The following CPPED1 variants were observed in gnomAD, a reference collection of about 807,000 sequenced individuals.
CPPED1 encodes the protein calcineurin like phosphoesterase domain containing 1, also known as serine/threonine-protein phosphatase CPPED1.
CPPED1 carries 28 observed loss-of-function variants against 28.0 expected under a neutral mutation model. The observed-to-expected ratio is 1.00, with a 90% CI of 0.74 to 1.37. The LOEUF (loss-of-function observed/expected upper bound fraction) is 1.37, where lower values mean the gene tolerates loss of function less well. Among genes scored for constraint, CPPED1 ranks in the 40% most tolerant of loss-of-function variants. The pLI, the probability that CPPED1 is intolerant of heterozygous loss-of-function variation, is 0.00. For synonymous variants in CPPED1, 198 were observed against 180.2 expected (o/e 1.10, Z -0.79); for missense variants, 504 against 416.5 (o/e 1.21, Z -1.83).
chr16:12,783,038 T>C (rs996494464), intron 1 of CPPED1, among the ~76,000 whole-genome samples: 1 of 152,186 alleles, frequency 6.6e-6, no homozygotes, highest in East Asian at 1.9e-4. Context: ...GCCTTTGCTT[T>C]GCCAGGCCCT....
rs1347995478 is a variant in CPPED1 at position 12,663,642 on chromosome 16, TA to T, written c.*1243del. 1.3e-5 allele frequency: 2 copies of T among 152,230 alleles called. No individual in the cohort carries two copies. The highest frequency in any genetic ancestry group is 4.8e-5 in the African/African-American group (2 of 41,458). The allele number at this position is 152,230 out of a possible 1,614,324, so 9.4% of individuals were successfully genotyped here. ...TTTCCCATGGTTTTGCTACGTTGAC[TA>T]AACTCTGTAATGAGAAAGTCTTTTA... On this transcript the variant is annotated 3_prime_UTR_variant, in exon 4 of 4. Transcript: ENST00000381774.
chr16:12,668,310 T>C (rs1185458617), intron 3 of CPPED1, among the ~76,000 whole-genome samples: 1 of 152,314 alleles, frequency 6.6e-6, no homozygotes, highest in Admixed American at 6.5e-5. Context: ...TATTTTTTAA[T>C]GTTAAAAGTG....
chr16:12,771,293 T>C (rs1030685776), intron 2 of CPPED1, among the ~76,000 whole-genome samples: 10 of 152,248 alleles, frequency 6.6e-5, no homozygotes, highest in Non-Finnish European at 1.2e-4. Flanking sequence ...ATTTGTTAAA[T>C]AAATGAATTG....
At chr16:12,696,583 A>G (rs2141181958) in intron 3 of CPPED1, among the ~76,000 whole-genome samples, 1 of 151,746 alleles carries the variant, frequency 6.6e-6, no homozygotes, top group South Asian at 2.1e-4. Flanking sequence ...CTGGGATTAC[A>G]GGCACTCACC....
At chr16:12,672,622 T>C (rs970670362) in intron 3 of CPPED1, among the ~76,000 whole-genome samples, 2 of 152,198 alleles carry the variant, frequency 1.3e-5, no homozygotes, top group South Asian at 2.1e-4. Flanking sequence ...TATGTGTGCA[T>C]AGACATTAAA....
rs531444451 is a variant in CPPED1 at position 12,664,907 on chromosome 16, C to G, written c.924G>C (p.Met308Ile). Residue 308 changes from methionine (M) to isoleucine (I), a missense_variant, in exon 4 of 4, where the codon ATG becomes ATC. Physicochemically the swap from Met to Ile is conservative, Grantham distance 10. Coordinates refer to ENST00000381774, the MANE Select transcript of CPPED1 (RefSeq NM_018340.3). The surrounding 1 kb of genome is among the most constrained non-coding windows in gnomAD (Gnocchi z 4.2). ...AGCGTCATTTTTTCTTGATCAAATC[C>G]ATGAGATCGTCTTCTATTCCTTTCT... ...LSEKGIEDDL[M>I]DLIKKK 3 of 1,605,108 alleles carry G rather than the reference C, an allele frequency of 1.9e-6. No homozygotes were observed. Among genetic ancestry groups the G allele is most frequent in the African/African-American group, 2.7e-5 (2 of 74,204 alleles).
At chr16:12,763,171 G>A (rs2080419827) in intron 2 of CPPED1, among the ~76,000 whole-genome samples, 1 of 151,680 alleles carries the variant, frequency 6.6e-6, no homozygotes, top group Non-Finnish European at 1.5e-5. Context: ...GGCGGAGGGT[G>A]CAGTGAGCCG....
chr16:12,746,457 C>T (rs1371310555), intron 2 of CPPED1, among the ~76,000 whole-genome samples: 1 of 148,986 alleles, frequency 6.7e-6, no homozygotes, highest in African/African-American at 2.5e-5. Flanking sequence ...TCACAGACAT[C>T]CTGAAAAAGT....
Position 12,664,682 on chromosome 16 carries a change from T to A in CPPED1, c.*204A>T. ...TTTAAAAACTGATTTCCAGGATCAT[T>A]CGCTCCATTTTAAAGGAAATGCAGT... On this transcript the variant is annotated 3_prime_UTR_variant, in exon 4 of 4. Transcript: ENST00000381774. The surrounding 1 kb of genome is among the most constrained non-coding windows in gnomAD (Gnocchi z 4.2). 1 of 1,410,252 alleles carries A rather than the reference T, an allele frequency of 7.1e-7. No homozygotes were observed. Among genetic ancestry groups the A allele is most frequent in the South Asian group, 1.6e-5 (1 of 62,282 alleles). 87.4% of individuals were successfully genotyped at this position (1,410,252 alleles called of 1,614,324 possible).
At chr16:12,771,932 G>A (rs2080472353) in intron 2 of CPPED1, among the ~76,000 whole-genome samples, 1 of 152,158 alleles carries the variant, frequency 6.6e-6, no homozygotes, top group Non-Finnish European at 1.5e-5. Context: ...AGACCAGCCT[G>A]GCCAACATGC....
At chr16:12,673,117 A>C (rs763766646) in intron 3 of CPPED1, among the ~76,000 whole-genome samples, 4 of 152,206 alleles carry the variant, frequency 2.6e-5, no homozygotes, top group Non-Finnish European at 5.9e-5. Flanking sequence ...ACTCCAGGGC[A>C]CAAACTGTGC....
At chr16:12,738,466 T>TA (rs902100213) in intron 2 of CPPED1, among the ~76,000 whole-genome samples, 25 of 151,862 alleles carry the variant, frequency 1.6e-4, no homozygotes, top group Admixed American at 8.5e-4. Flanking sequence ...TGCTTATTAT[T>TA]AAAAAAAATG....
chr16:12,740,444 CAAAA>C (rs1237046217), intron 2 of CPPED1, among the ~76,000 whole-genome samples: 3 of 100,312 alleles, frequency 3.0e-5, no homozygotes, highest in Admixed American at 1.0e-4. Context: ...GACTCTGCCT[CAAAA>C]AAAAAAAAAA....
chr16:12,683,191 G>C lies in CPPED1; in HGVS notation c.716-18076C>G, dbSNP rs146668454. Among the ~76,000 whole-genome samples the C allele has an allele frequency of 3.8e-3, 581 of 152,302 alleles. 3 individuals carry two copies. Among genetic ancestry groups the C allele is most frequent in the Non-Finnish European group, 6.5e-3 (440 of 68,014 alleles). On this transcript the variant is annotated intron_variant, in intron 3 of 3. Transcript: ENST00000381774. ...ACCTTGGGTAAGTGAGATTCCGTTT[G>C]AATAACTGGGCCAAGAAAAATTCTG...
intron 2 of CPPED1, among the ~76,000 whole-genome samples, chr16:12,717,121 A>G (rs2141195172): frequency 1.3e-5 from 2 of 152,278 alleles, no homozygotes; most frequent in South Asian, 4.1e-4. Flanking sequence ...TAAAAAAAAG[A>G]CCAGGGAGCC....
chr16:12,770,984 T>A (rs1191365243), intron 2 of CPPED1, among the ~76,000 whole-genome samples: 1 of 152,082 alleles, frequency 6.6e-6, no homozygotes, highest in African/African-American at 2.4e-5. Flanking sequence ...TAGGGGGTGG[T>A]CAAAGTTTAT....
chr16:12,712,777 G>T (rs1437070010), intron 2 of CPPED1, among the ~76,000 whole-genome samples: 2 of 152,124 alleles, frequency 1.3e-5, no homozygotes, highest in Non-Finnish European at 2.9e-5. Flanking sequence ...TATATTCAGA[G>T]ATAAAAATAT....
chr16:12,731,313 C>T (rs1008627643), intron 2 of CPPED1, among the ~76,000 whole-genome samples: 9 of 151,458 alleles, frequency 5.9e-5, no homozygotes, highest in Non-Finnish European at 1.2e-4. Flanking sequence ...GCCACCACGC[C>T]TGGCTGATTT....
At chr16:12,780,285 G>C (rs2080522307) in intron 2 of CPPED1, among the ~76,000 whole-genome samples, 1 of 152,044 alleles carries the variant, frequency 6.6e-6, no homozygotes, top group African/African-American at 2.4e-5. Flanking sequence ...GTTCAAGCAA[G>C]TTTCATGCCT....
Sources: allele counts gnomAD v4.1 joint callset (sites outside exome capture counted in the v4.1 genomes callset), GRCh38; gene constraint gnomAD v4.1.1; non-coding constraint Gnocchi (gnomAD v3.1); transcripts MANE v1.5; gene names NCBI Gene and HGNC (gene_info 2026-07-23, HGNC 2026-07-21).